The following TMEM67 variants were observed in gnomAD, a reference collection of about 807,000 sequenced individuals.
The protein encoded by TMEM67 is meckelin.
Under a neutral mutation model 136.6 loss-of-function variants are expected in TMEM67, and 124 were observed. The observed-to-expected ratio is 0.91, with a 90% confidence interval of 0.78 to 1.05. The LOEUF (loss-of-function observed/expected upper bound fraction) is 1.05, where lower values mean the gene tolerates loss of function less well. Among genes scored for constraint, TMEM67 ranks in the 50% least tolerant of loss-of-function variants. The pLI is 0.00. For missense variants in TMEM67, 1,107 were observed against 1,178.4 expected, an observed-to-expected ratio of 0.94 and a Z score of 0.89; for synonymous variants, 364 against 390.5, an observed-to-expected ratio of 0.93 and a Z score of 0.80.
chr8:93,819,750 G>A (rs1809013526), downstream of TMEM67, among the ~76,000 whole-genome samples: 1 of 152,108 alleles, frequency 6.6e-6, no homozygotes, highest in Admixed American at 6.5e-5. Flanking sequence ...GCAGTTTGGG[G>A]CACTACGGGC....
At chr8:93,765,499 G>A (rs1160558040) in intron 5 of TMEM67, 24 bp downstream of exon 5, 1 of 1,606,582 alleles carries the variant, frequency 6.2e-7, no homozygotes, top group Non-Finnish European at 8.5e-7. Context: ...AATTGATAAA[G>A]TATATATATT....
the TMEM67 span, among the ~76,000 whole-genome samples, chr8:93,828,784 G>A: frequency 6.7e-6 from 1 of 150,188 alleles, no homozygotes; most frequent in Non-Finnish European, 1.5e-5. Flanking sequence ...TTCTTGAATA[G>A]CCCTTTTAAG....
At chr8:93,766,785 T>C (rs915595069) in intron 6 of TMEM67, among the ~76,000 whole-genome samples, 1 of 152,122 alleles carries the variant, frequency 6.6e-6, no homozygotes, top group Non-Finnish European at 1.5e-5. Context: ...CTACTCAGTA[T>C]AGTCTTGTGA....
At chr8:93,774,294 C>T (rs1164386379) in intron 7 of TMEM67, among the ~76,000 whole-genome samples, 1 of 152,088 alleles carries the variant, frequency 6.6e-6, no homozygotes, top group African/African-American at 2.4e-5. Flanking sequence ...GGATTACAGG[C>T]GTGAGCCACC....
At chr8:93,785,104 C>G in intron 11 of TMEM67, 118 bp from the exon 12 acceptor site, 1 of 743,326 alleles carries the variant, frequency 1.3e-6, no homozygotes, top group East Asian at 2.5e-5. Context: ...TAGAAAAACA[C>G]TCTGAAGATA....
At chr8:93,792,922 A>G (rs1814446517) in intron 15 of TMEM67, among the ~76,000 whole-genome samples, 1 of 151,418 alleles carries the variant, frequency 6.6e-6, no homozygotes, top group African/African-American at 2.4e-5. Context: ...ACAGGCACCC[A>G]CCACCATGCC....
chr8:93,820,649 C>G (rs1382774489), downstream of TMEM67, among the ~76,000 whole-genome samples: 2 of 152,150 alleles, frequency 1.3e-5, no homozygotes, highest in African/African-American at 4.8e-5. Context: ...GTACCTACCT[C>G]AAAGACTTAT....
At chr8:93,824,350 T>A in the TMEM67 span, among the ~76,000 whole-genome samples, 2 of 152,342 alleles carry the variant, frequency 1.3e-5, no homozygotes, top group African/African-American at 4.8e-5. Context: ...CCAGGGAGAC[T>A]CATTAAATTG....
rs1445012120 is a variant in TMEM67, at chr8:93,785,319, T to G, written c.1229T>G (p.Ile410Ser). The G allele has an allele frequency of 1.9e-6, 3 of 1,609,638 alleles. No homozygotes were observed. Among genetic ancestry groups the G allele is most frequent in the Non-Finnish European group, 2.5e-6 (3 of 1,176,492 alleles). ...ACTGATGAAAATCAACATCAATATA[T>G]TTTGGCTGTGCCTGTGTTAAACCTA... Reference protein sequence around the residue: ...EYTDENQHQYILAVPVLNLNL... With the variant: ...EYTDENQHQYSLAVPVLNLNL... Residue 410 changes from isoleucine (I) to serine (S), a missense_variant, in exon 12 of 28, where the codon ATT (isoleucine) becomes AGT (serine). Ile to Ser is a moderately radical substitution (Grantham distance 142). Transcript: ENST00000453321.
intron 2 of TMEM67, among the ~76,000 whole-genome samples, chr8:93,757,448 A>G (rs1812628104): frequency 6.6e-6 from 1 of 151,844 alleles, no homozygotes; most frequent in Non-Finnish European, 1.5e-5. Flanking sequence ...CCATCCTGGC[A>G]AATGTGGTGA....
chr8:93,809,859 A>G lies in TMEM67; in HGVS notation c.2736A>G (p.Glu912=). 6.2e-7 allele frequency: 1 copy of G among 1,607,780 alleles called. No individual in the cohort carries two copies. The highest frequency in any genetic ancestry group is 8.5e-7 in the Non-Finnish European group (1 of 1,174,660). The change falls in exon 26 of 28, where the codon GAA becomes GAG. Residue 912 remains glutamate (E), a synonymous_variant. Coordinates refer to ENST00000453321, the MANE Select transcript of TMEM67 (RefSeq NM_153704.6). ...LERILGMEFM[E]PMEKSIFYND... The stretch of plus-strand genomic sequence containing the variant: ...GAATTCTTGGAATGGAATTCATGGA[A>G]CCAATGGAAAAAAGCATCTTTTACA...
At chr8:93,755,233 T>C (rs1156908444) in intron 1 of TMEM67, 96 bp downstream of exon 1, 1 of 1,236,122 alleles carries the variant, frequency 8.1e-7, no homozygotes, top group African/African-American at 1.5e-5. Context: ...TTGATCAGGC[T>C]AGTCTCGAAC....
At position 93,763,908 on chromosome 8, in the gene TMEM67, A is replaced by G. The variant is rs1812962248; in HGVS notation, c.473A>G (p.Asn158Ser). ...ATCELCDGNE[N>S]SFMVVNALGD... ...TGTGAGCTCTGTGATGGAAATGAAAACTCTTTTATGGTAGTAAATGCTTTA... is the reference window on the plus strand; with the variant it reads ...TGTGAGCTCTGTGATGGAAATGAAAGCTCTTTTATGGTAGTAAATGCTTTA... Residue 158 changes from asparagine (N) to serine (S), a missense_variant, in exon 4 of 28, where the codon AAC becomes AGC. Physicochemically the swap from Asn to Ser is conservative, Grantham distance 46. Around this residue, in one of 3 missense-constraint regions of TMEM67, gnomAD observed 925 missense variants for 1,002.4 expected, o/e 0.92. Coordinates refer to ENST00000453321, the MANE Select transcript of TMEM67 (RefSeq NM_153704.6). The G allele has an allele frequency of 1.2e-6, 2 of 1,613,586 alleles. No individual in the cohort carries two copies. Among genetic ancestry groups the G allele is most frequent in the Non-Finnish European group, 1.7e-6 (2 of 1,179,714 alleles).
chr8:93,776,813 C>CT (rs1272411906), intron 7 of TMEM67, among the ~76,000 whole-genome samples: 2 of 152,096 alleles, frequency 1.3e-5, no homozygotes, highest in Non-Finnish European at 2.9e-5. Flanking sequence ...CTAAAATTCT[C>CT]TTTTTTTGTT....
intron 13 of TMEM67, among the ~76,000 whole-genome samples, chr8:93,787,296 C>T (rs933519281): frequency 6.6e-5 from 10 of 151,470 alleles, no homozygotes; most frequent in East Asian, 5.8e-4. Context: ...TATCTTGAGA[C>T]GGGGTCTTGC....
intron 6 of TMEM67, 25 bp from the exon 7 acceptor site, chr8:93,772,564 A>G: frequency 1.7e-5 from 27 of 1,593,786 alleles, no homozygotes; most frequent in Non-Finnish European, 2.3e-5. Flanking sequence ...GAACTTAAAA[A>G]TAAAATGTAT....
chr8:93,826,123 C>CTTTTTTTTTTT, the TMEM67 span, among the ~76,000 whole-genome samples: 15 of 52,380 alleles, frequency 2.9e-4, no homozygotes, highest in Non-Finnish European at 4.5e-4. Context: ...TTAATCATGT[C>CTTTTTTTTTTT]TTTTTTTTTT....
chr8:93,827,579 CTTTTTTTTT>C, the TMEM67 span, among the ~76,000 whole-genome samples: 2 of 136,478 alleles, frequency 1.5e-5, no homozygotes, highest in Non-Finnish European at 3.1e-5. Flanking sequence ...TGTATTTTTT[CTTTTTTTTT>C]TTTTTGTATT....
rs1814780896 is a variant in TMEM67 at position 93,799,683 on chromosome 8, C to A, written c.2166C>A (p.Ser722Arg). 3.1e-6 allele frequency: 5 copies of A among 1,613,648 alleles called. No homozygotes were observed. Among genetic ancestry groups the A allele is most frequent in the Non-Finnish European group, 4.2e-6 (5 of 1,179,682 alleles). The change falls in exon 21 of 28, where the codon AGC becomes AGA. Residue 722 changes from serine (S) to arginine (R), a missense_variant. Ser to Arg is a moderately radical substitution (Grantham distance 110, BLOSUM62 -1). Coordinates refer to ENST00000453321, the MANE Select transcript of TMEM67 (RefSeq NM_153704.6). ...CTAGTCTTTCTAGAAACCCACCTAG[C>A]TACATAGCTCCTTATAGCTGCATTT... ...SSSSLSRNPPSYIAPYSCILR... is the reference protein window; with the variant it reads ...SSSSLSRNPPRYIAPYSCILR...
Sources: gnomAD v4.1 joint callset for allele counts (sites outside exome capture counted in the v4.1 genomes callset) on GRCh38, gnomAD v4.1.1 for gene constraint, gnomAD v4.1.1 regional missense constraint, MANE v1.5 for transcripts, NCBI Gene and HGNC (gene_info 2026-07-23, HGNC 2026-07-21) for gene names.